PES1: variants seen among roughly 807,000 people sequenced by gnomAD.
The protein encoded by PES1 is pescadillo ribosomal biogenesis factor 1.
In PES1, 31 loss-of-function variants were observed where a neutral mutation model predicts 77.1. That is an observed-to-expected ratio of 0.40 (90% CI 0.30 to 0.54). The LOEUF (loss-of-function observed/expected upper bound fraction) is 0.54, where lower values mean the gene tolerates loss of function less well. Among genes scored for constraint, PES1 ranks in the 20% least tolerant of loss-of-function variants. The pLI is 0.45. For synonymous variants in PES1, 282 were observed against 303.0 expected (o/e 0.93, Z 0.72); for missense variants, 658 against 771.7 (o/e 0.85, Z 1.75).
upstream of PES1, among the ~76,000 whole-genome samples, chr22:30,596,527 A>T (rs1483146521): frequency 6.6e-6 from 1 of 152,220 alleles, no homozygotes; most frequent in East Asian, 1.9e-4. Flanking sequence ...TTAAAAATCA[A>T]ACTGCCATGG....
chr22:30,586,322 G>C (rs988683263), intron 4 of PES1, among the ~76,000 whole-genome samples: 1 of 152,186 alleles, frequency 6.6e-6, no homozygotes, highest in East Asian at 1.9e-4. Flanking sequence ...ACACAGCTGG[G>C]ATGCGAACAC....
At chr22:30,577,204 T>G in intron 14 of PES1, 75 bp from the exon 15 acceptor site, 3 of 1,242,634 alleles carry the variant, frequency 2.4e-6, no homozygotes, top group Non-Finnish European at 3.5e-6. Context: ...CTCAAAGCTA[T>G]ATCCCTTAAA....
At chr22:30,606,835 TC>T (rs1163854975) in exon 1 of PES1, 1 of 1,007,972 alleles carries the variant, frequency 9.9e-7, no homozygotes, top group Non-Finnish European at 1.2e-6. Context: ...CAGCTCCCGT[TC>T]CACTCCTTGT....
Position 30,579,926 on chromosome 22 carries a change from C to T in PES1, c.1179G>A (p.Val393=). ...QQTSVIGRCY[V]QPQWVFDSVN... ...CTGAGTCAAACACCCACTGGGGCTG[C>T]ACGTAGCACCTGGCGCAGAGTGGCA... Residue 393 remains valine, a synonymous_variant, in exon 12 of 15, where the codon GTG becomes GTA. Transcript: ENST00000354694. 1 of 1,613,892 alleles carries T rather than the reference C, an allele frequency of 6.2e-7. No individual in the cohort carries two copies. Among genetic ancestry groups the T allele is most frequent in the Non-Finnish European group, 8.5e-7 (1 of 1,179,832 alleles).
intron 1 of PES1, among the ~76,000 whole-genome samples, chr22:30,590,545 G>C (rs1002638795): frequency 6.6e-6 from 1 of 152,200 alleles, no homozygotes; most frequent in Non-Finnish European, 1.5e-5. Context: ...ACTGCCTTAA[G>C]AAGTTGAGTT....
intron 1 of PES1, among the ~76,000 whole-genome samples, chr22:30,590,502 G>A (rs980044592): frequency 6.6e-6 from 1 of 152,176 alleles, no homozygotes; most frequent in African/African-American, 2.4e-5. Flanking sequence ...TTAGGCCCAT[G>A]CTAAGTCTTG....
chr22:30,581,533 G>T lies in PES1; in HGVS notation c.742C>A (p.Pro248Thr). 2 of 1,613,232 alleles carry T rather than the reference G, an allele frequency of 1.2e-6. No homozygotes were observed. Among genetic ancestry groups the T allele is most frequent in the Non-Finnish European group, 1.7e-6 (2 of 1,179,426 alleles). The change falls in exon 7 of 15, where the codon CCG becomes ACG. Residue 248 changes from proline (P) to threonine (T), a missense_variant. Pro to Thr is a conservative substitution (Grantham distance 38). Coordinates refer to ENST00000354694, the MANE Select transcript of PES1 (RefSeq NM_014303.4). The part of the protein sequence containing the change: ...LYQLLNLHYP[P>T]KLEGQAQAEA... ...GCACTGGGCTGGGGTCCTACCTTCG[G>T]GGGATAGTGGAGGTTGAGCAACTGG... is the stretch of plus-strand genomic sequence containing the variant.
At chr22:30,580,964 C>T in intron 9 of PES1, 48 bp downstream of exon 9, 1 of 1,518,870 alleles carries the variant, frequency 6.6e-7, no homozygotes, top group Non-Finnish European at 9.1e-7. Flanking sequence ...GGAAACCCCC[C>T]ACACGACCCC....
At chr22:30,604,369 A>G (rs1602034542) in intron 2 of PES1, among the ~76,000 whole-genome samples, 1 of 152,224 alleles carries the variant, frequency 6.6e-6, no homozygotes, top group African/African-American at 2.4e-5. Context: ...GCGCTGGCTC[A>G]TGCCTGTAAT....
chr22:30,598,945 A>C (rs1410403331), intron 2 of PES1, among the ~76,000 whole-genome samples: 1 of 96,396 alleles, frequency 1.0e-5, no homozygotes, highest in African/African-American at 4.2e-5. Flanking sequence ...CATCCAGGCT[A>C]GAGTGCAGTG....
intron 14 of PES1, 86 bp downstream of exon 14, chr22:30,578,751 G>C (rs1231742792): frequency 7.0e-7 from 1 of 1,435,608 alleles, no homozygotes; most frequent in Non-Finnish European, 9.6e-7. Context: ...AGTCTGCCTA[G>C]AGGAGGGCCC....
At chr22:30,605,549 G>A (rs1456665633) in intron 1 of PES1, 1 of 941,810 alleles carries the variant, frequency 1.1e-6, no homozygotes, top group Non-Finnish European at 1.3e-6. Flanking sequence ...GTTGTTACTG[G>A]AAACAGGCAG....
At chr22:30,602,927 G>T (rs2087379473) in intron 2 of PES1, among the ~76,000 whole-genome samples, 1 of 151,938 alleles carries the variant, frequency 6.6e-6, no homozygotes, top group Admixed American at 6.6e-5. Context: ...GTGTGTGTGT[G>T]TGAGAAGGAG....
chr22:30,579,438 G>A, intron 12 of PES1, 135 bp from the exon 13 acceptor site: 11 of 1,426,990 alleles, frequency 7.7e-6, no homozygotes, highest in Admixed American at 2.0e-5. Flanking sequence ...CCCAATTGTG[G>A]CCCTCTCTTG....
chr22:30,606,863 A>C, exon 1 of PES1: 1 of 1,023,834 alleles, frequency 9.8e-7, no homozygotes, highest in Non-Finnish European at 1.2e-6. Context: ...CTAGGTGGGC[A>C]CTACCAGGGG....
intron 1 of PES1, among the ~76,000 whole-genome samples, chr22:30,589,714 G>T (rs928214661): frequency 6.1e-5 from 9 of 147,862 alleles, no homozygotes; most frequent in African/African-American, 2.4e-4. Flanking sequence ...AGTTGGGGCT[G>T]GGATTCAAAC....
At chr22:30,598,499 G>T (rs939978781) in intron 2 of PES1, 2 of 152,076 alleles carry the variant, frequency 1.3e-5, no homozygotes, top group African/African-American at 4.8e-5. Flanking sequence ...AACAATCTCC[G>T]GTCGCTGCAA....
intron 6 of PES1, among the ~76,000 whole-genome samples, chr22:30,582,253 A>T (rs2087000284): frequency 6.6e-6 from 1 of 152,108 alleles, no homozygotes; most frequent in Non-Finnish European, 1.5e-5. Context: ...ACTGAGTCCC[A>T]CCTCTGAACC....
chr22:30,597,791 T>A (rs917358835), intron 2 of PES1, among the ~76,000 whole-genome samples: 3 of 151,990 alleles, frequency 2.0e-5, no homozygotes, highest in Middle Eastern at 3.4e-3. Context: ...ATCAGCAGTA[T>A]GTGGGTGGGG....
Sources: gnomAD v4.1 joint callset for allele counts (sites outside exome capture counted in the v4.1 genomes callset) on GRCh38, gnomAD v4.1.1 for gene constraint, MANE v1.5 for transcripts, NCBI Gene and HGNC (gene_info 2026-07-23, HGNC 2026-07-21) for gene names.